AK2: variants seen among roughly 807,000 people sequenced by gnomAD.
The protein encoded by AK2 is adenylate kinase 2.
A neutral mutation model predicts 24.6 loss-of-function variants in AK2; 15 were observed. The ratio of observed to expected loss-of-function variants is 0.61; its 90% CI spans 0.41 to 0.94. AK2 has a LOEUF of 0.94. AK2 is among the 40% of genes least tolerant of loss of function. The probability of loss-of-function intolerance (pLI) is 0.00; values close to 1 mark genes in which losing one functional copy is unlikely to be tolerated. For missense variants in AK2, 257 were observed against 304.1 expected (o/e 0.85, Z 1.15); for synonymous variants, 102 against 114.0 (o/e 0.90, Z 0.67).
Position 33,013,132 on chromosome 1 carries a change from C to T in AK2, c.*49G>A. The T allele has an allele frequency of 6.2e-7, 1 of 1,613,888 alleles. No homozygotes were observed. The highest frequency in any genetic ancestry group is 1.1e-5 in the South Asian group (1 of 90,864). ...TTCTCTTTGCCTGTCCTATCATTCC[C>T]ACCCATTGCCTCACAGGGATGGAAA... On this transcript the variant is annotated 3_prime_UTR_variant, in exon 6 of 6. Coordinates refer to ENST00000672715, the MANE Select transcript of AK2 (RefSeq NM_001625.4).
intron 1 of AK2, among the ~76,000 whole-genome samples, chr1:33,030,042 A>G (rs1569721560): frequency 1.3e-5 from 2 of 152,234 alleles, no homozygotes; most frequent in South Asian, 2.1e-4. Flanking sequence ...GCCCTCCACA[A>G]TCAACTTCTA....
rs1422722555 is a variant in AK2, at chr1:33,011,725, T to C, written c.*1456A>G. The C allele has an allele frequency of 7.4e-7, 1 of 1,344,268 alleles. No homozygotes were observed. The highest frequency in any genetic ancestry group is 9.7e-7 in the Non-Finnish European group (1 of 1,026,864). 83.3% of individuals were successfully genotyped at this position (1,344,268 alleles called of 1,614,324 possible). ...TGTTACTTCATCTGTTTGCCACAAATCAAACCAGAGACCAAAAGACAGCAG... is the reference window on the plus strand; with the variant it reads ...TGTTACTTCATCTGTTTGCCACAAACCAAACCAGAGACCAAAAGACAGCAG... On this transcript the variant is annotated 3_prime_UTR_variant, in exon 6 of 6. Transcript: ENST00000672715.
At position 33,012,131 on chromosome 1, in the gene AK2, T is replaced by C; in HGVS notation, c.*1050A>G. 6.5e-7 allele frequency: 1 copy of C among 1,535,450 alleles called. No individual in the cohort carries two copies. The highest frequency in any genetic ancestry group is 8.7e-7 in the Non-Finnish European group (1 of 1,146,724). ...GCTCTCAGATGATCAGCCTGGATGT[T>C]CAGAAGACAATCTGAATTCAAAAGG... On this transcript the variant is annotated 3_prime_UTR_variant, in exon 6 of 6. Coordinates refer to ENST00000672715, the MANE Select transcript of AK2 (RefSeq NM_001625.4).
chr1:33,036,610 G>C lies in AK2; in HGVS notation c.93+126C>G. The C allele has an allele frequency of 4.5e-6, 4 of 884,394 alleles. No individual in the cohort carries two copies. In the East Asian group the frequency reaches 1.1e-4, roughly 24 times the overall value. 54.8% of individuals were successfully genotyped at this position (884,394 alleles called of 1,614,324 possible). On this transcript the variant is annotated intron_variant, in intron 1 of 5. Transcript: ENST00000672715. ...AATGCCCCACCAGAACCGAGACCCC[G>C]GCCAGCGTTCCCCGCAGGCCTTAGT...
At chr1:33,020,379 T>C (rs1219181129) in intron 4 of AK2, among the ~76,000 whole-genome samples, 1 of 152,230 alleles carries the variant, frequency 6.6e-6, no homozygotes, top group Non-Finnish European at 1.5e-5. Flanking sequence ...GAGATACACA[T>C]GTAAAGACAT....
At chr1:33,033,084 C>T (rs756009461) in intron 1 of AK2, among the ~76,000 whole-genome samples, 4 of 150,602 alleles carry the variant, frequency 2.7e-5, no homozygotes, top group African/African-American at 4.9e-5. Context: ...GGCGTGAATC[C>T]GGGAAGCAGA....
At chr1:33,021,527 A>G in intron 3 of AK2, 66 bp from the exon 4 acceptor site, 1 of 1,605,354 alleles carries the variant, frequency 6.2e-7, no homozygotes, top group Non-Finnish European at 8.5e-7. Context: ...CTTCAAAGGA[A>G]TTAAGAAAGA....
At position 33,031,625 on chromosome 1, in the gene AK2, C is replaced by A. The variant is rs140755198; in HGVS notation, c.93+5111G>T. 7.2e-4 allele frequency: 327 copies of A among 455,970 alleles called. 2 individuals are homozygous for A. Among genetic ancestry groups the A allele is most frequent in the African/African-American group, 5.8e-3 (291 of 50,142 alleles). The allele number at this position is 455,970 out of a possible 1,614,324, so 28.2% of individuals were successfully genotyped here. ...GCTCTGTAAATTACTTGCTATGTAG[C>A]CTAGAGAACAAGCCATTCAAACTTC... On this transcript the variant is annotated intron_variant, in intron 1 of 5. Coordinates refer to ENST00000672715, the MANE Select transcript of AK2 (RefSeq NM_001625.4).
intron 1 of AK2, among the ~76,000 whole-genome samples, chr1:33,027,403 T>C (rs1397751317): frequency 2.0e-5 from 3 of 152,118 alleles, no homozygotes; most frequent in Admixed American, 6.5e-5. Flanking sequence ...TTCCAGGTGA[T>C]TGGATTCTAC....
In AK2 at chr1:33,013,092, C is replaced by A; in HGVS notation, c.*89G>T. Reference sequence around the variant, plus strand: ...ATCAATACATCAAATGATATTTTTGCTAGCCTGAGGAAGCTTCTCTTTGCC... The same window carrying A: ...ATCAATACATCAAATGATATTTTTGATAGCCTGAGGAAGCTTCTCTTTGCC... On this transcript the variant is annotated 3_prime_UTR_variant, in exon 6 of 6. Coordinates refer to ENST00000672715, the MANE Select transcript of AK2 (RefSeq NM_001625.4). 6.2e-7 allele frequency: 1 copy of A among 1,611,216 alleles called. No individual in the cohort carries two copies. Among genetic ancestry groups the A allele is most frequent in the Non-Finnish European group, 8.5e-7 (1 of 1,179,892 alleles).
chr1:33,016,273 G>A (rs1464413480), intron 4 of AK2, among the ~76,000 whole-genome samples: 1 of 151,996 alleles, frequency 6.6e-6, no homozygotes, highest in African/African-American at 2.4e-5. Flanking sequence ...ATACAGTGGC[G>A]CGGTCTCTGC....
intron 1 of AK2, among the ~76,000 whole-genome samples, chr1:33,034,084 A>G (rs1640419742): frequency 6.6e-6 from 1 of 152,122 alleles, no homozygotes; most frequent in Non-Finnish European, 1.5e-5. Flanking sequence ...CATGTTGCCC[A>G]GGCTTGAACT....
At chr1:33,028,728 G>A (rs1362720374) in intron 1 of AK2, among the ~76,000 whole-genome samples, 3 of 152,124 alleles carry the variant, frequency 2.0e-5, no homozygotes, top group Non-Finnish European at 4.4e-5. Context: ...GTGGGGTGGA[G>A]GACTCTGGGG....
intron 4 of AK2, among the ~76,000 whole-genome samples, chr1:33,019,013 C>T (rs1324810194): frequency 2.0e-5 from 3 of 152,228 alleles, no homozygotes; most frequent in Non-Finnish European, 4.4e-5. Context: ...TCCTGCCCCC[C>T]AGACCACTGG....
chr1:33,019,801 A>T (rs577660812), intron 4 of AK2: 40 of 1,112,444 alleles, frequency 3.6e-5, no homozygotes, highest in Non-Finnish European at 4.3e-5. Context: ...TCATTTTAAC[A>T]GTGGCTAACT....
At position 33,008,530 on chromosome 1, in the gene AK2, C is replaced by A. The variant is rs1434591324; in HGVS notation, c.*4651G>T. On this transcript the variant is annotated 3_prime_UTR_variant, in exon 6 of 6. Coordinates refer to ENST00000672715, the MANE Select transcript of AK2 (RefSeq NM_001625.4). ...CATGGAAAAGAGCTCTTATTCAGAG[C>A]AGCCCTTCCTGTGTGCAGAGCTACG... 2.2e-6 allele frequency: 1 copy of A among 454,110 alleles called. No individual in the cohort carries two copies. The highest frequency in any genetic ancestry group is 6.9e-5 in the East Asian group (1 of 14,396). 28.1% of individuals were successfully genotyped at this position (454,110 alleles called of 1,614,324 possible).
chr1:33,036,764 C>A lies in AK2; in HGVS notation c.65G>T (p.Gly22Val), dbSNP rs1483472037. Residue 22 changes from glycine to valine, a missense_variant, in exon 1 of 6, where the codon GGG becomes GTG. Physicochemically the swap from Gly to Val is moderately radical, Grantham distance 109. Coordinates refer to ENST00000672715, the MANE Select transcript of AK2 (RefSeq NM_001625.4). ...YPKGIRAVLL[G>V]PPGAGKGTQA... is the part of the protein sequence containing the mutation. The stretch of plus-strand genomic sequence containing the variant: ...GGTCCCTTTACCGGCCCCGGGAGGC[C>A]CCAGCAGCACGGCCCGGATGCCTTT... 1 of 1,597,304 alleles carries A rather than the reference C, an allele frequency of 6.3e-7. No individual in the cohort carries two copies. The highest frequency in any genetic ancestry group is 8.5e-7 in the Non-Finnish European group (1 of 1,172,150).
intron 1 of AK2, among the ~76,000 whole-genome samples, chr1:33,027,439 T>C (rs1345781811): frequency 6.6e-6 from 1 of 151,976 alleles, no homozygotes; most frequent in Non-Finnish European, 1.5e-5. Context: ...CACACACCAA[T>C]AGGGAAGAAA....
intron 1 of AK2, among the ~76,000 whole-genome samples, chr1:33,030,334 C>G (rs1569724008): frequency 6.6e-6 from 1 of 152,136 alleles, no homozygotes; most frequent in South Asian, 2.1e-4. Flanking sequence ...TTGGGAGGAT[C>G]ACTTGAGGCC....
Sources: allele counts gnomAD v4.1 joint callset (sites outside exome capture counted in the v4.1 genomes callset), GRCh38; gene constraint gnomAD v4.1.1; transcripts MANE v1.5; gene names NCBI Gene and HGNC (gene_info 2026-07-23, HGNC 2026-07-21).